The following ZPBP variants were observed in gnomAD, a reference collection of about 807,000 sequenced individuals.
ZPBP encodes the protein zona pellucida-binding protein 1.
ZPBP carries 26 observed loss-of-function variants against 44.8 expected under a neutral mutation model. That is an observed-to-expected ratio of 0.58 (90% CI 0.43 to 0.81). The LOEUF is 0.81. ZPBP is among the 30% of genes least tolerant of loss of function. The probability of loss-of-function intolerance (pLI) is 0.00; values close to 1 mark genes in which losing one functional copy is unlikely to be tolerated. For synonymous variants in ZPBP, 174 were observed against 153.2 expected, an observed-to-expected ratio of 1.14 and a Z score of -1.00; for missense variants, 409 against 434.0, an observed-to-expected ratio of 0.94 and a Z score of 0.51.
chr7:50,041,602 A>G (rs1800098211), intron 4 of ZPBP, among the ~76,000 whole-genome samples: 1 of 152,210 alleles, frequency 6.6e-6, no homozygotes, highest in Non-Finnish European at 1.5e-5. Flanking sequence ...AGAAAGGAGT[A>G]GCATCGACAT....
intron 3 of ZPBP, among the ~76,000 whole-genome samples, chr7:50,070,610 A>G (rs895656827): frequency 1.3e-5 from 2 of 152,216 alleles, no homozygotes; most frequent in Non-Finnish European, 2.9e-5. Context: ...ATAAGGAATC[A>G]GAGAGACTGA....
intron 6 of ZPBP, among the ~76,000 whole-genome samples, chr7:50,000,051 T>C (rs1798027206): frequency 2.6e-5 from 4 of 152,170 alleles, no homozygotes; most frequent in African/African-American, 7.2e-5. Flanking sequence ...TTCTACACTT[T>C]ATTTTTAAAG....
chr7:49,993,512 C>A lies in ZPBP; in HGVS notation c.784-9993G>T. Among the ~76,000 whole-genome samples the A allele has an allele frequency of 2.0e-5, 3 of 152,176 alleles. No individual in the cohort carries two copies. In the South Asian group the frequency reaches 6.2e-4, roughly 32 times the overall value. On this transcript the variant is annotated intron_variant, in intron 6 of 7. Transcript: ENST00000046087. ...TTGAAAAGCAGTCACCAACTATAGT[C>A]TATGAACAATAAATGTTTTTCTCTA...
intron 7 of ZPBP, among the ~76,000 whole-genome samples, chr7:49,957,329 T>TCATCACAGGCCCAGAGTGTCACTCCTCG (rs905629469): frequency 3.3e-5 from 5 of 152,322 alleles, no homozygotes; most frequent in Middle Eastern, 3.4e-3. Flanking sequence ...AACAGTCCTC[T>TCATCACAGGCCCAGAGTGTCACTCCTCG]CATCACAGGC....
At chr7:49,995,592 T>C (rs1797790043) in intron 6 of ZPBP, among the ~76,000 whole-genome samples, 1 of 152,196 alleles carries the variant, frequency 6.6e-6, no homozygotes, top group African/African-American at 2.4e-5. Context: ...TTTAAGTCCT[T>C]GATGATGGCA....
At chr7:49,852,311 A>T (rs143462297) in intron 2 of ZPBP, among the ~76,000 whole-genome samples, 271 of 152,296 alleles carry the variant, frequency 1.8e-3, no homozygotes, top group African/African-American at 6.4e-3. Flanking sequence ...AGGACCAAGG[A>T]CATGCATGCA....
At chr7:50,057,331 C>T (rs1800997500) in intron 4 of ZPBP, among the ~76,000 whole-genome samples, 2 of 152,140 alleles carry the variant, frequency 1.3e-5, no homozygotes, top group South Asian at 4.1e-4. Flanking sequence ...CTCTCCCTCC[C>T]AGATAAGCAC....
At chr7:49,942,881 G>A (rs1794946852) in intron 7 of ZPBP, 1 of 164,372 alleles carries the variant, frequency 6.1e-6, no homozygotes. Context: ...TTAGCATCCA[G>A]TGACTATTCT....
At chr7:50,064,156 C>T (rs999774528) in intron 3 of ZPBP, among the ~76,000 whole-genome samples, 11 of 152,094 alleles carry the variant, frequency 7.2e-5, no homozygotes, top group African/African-American at 2.7e-4. Context: ...AGACATCACA[C>T]GTTGGTAGGA....
At chr7:49,900,353 T>C (rs1204795586) in intron 2 of ZPBP, among the ~76,000 whole-genome samples, 2 of 151,312 alleles carry the variant, frequency 1.3e-5, no homozygotes, top group Non-Finnish European at 3.0e-5. Flanking sequence ...AGGAAAACAA[T>C]AGAGAAAGCT....
chr7:49,963,859 T>A (rs1248206165), intron 7 of ZPBP, among the ~76,000 whole-genome samples: 1 of 151,682 alleles, frequency 6.6e-6, no homozygotes, highest in Non-Finnish European at 1.5e-5. Context: ...GAGGAAGGAA[T>A]ACTGCCCAAC....
At position 49,981,327 on chromosome 7, in the gene ZPBP, A is replaced by T. The variant is rs1240200402; in HGVS notation, c.961+2015T>A. Among the ~76,000 whole-genome samples the T allele has an allele frequency of 1.7e-3, 76 of 44,074 alleles. 3 individuals are homozygous for T. The highest frequency in any genetic ancestry group is 9.4e-3 in the South Asian group (13 of 1,376). 28.9% of individuals were successfully genotyped at this position (44,074 alleles called of 152,430 possible). A position where few individuals can be genotyped will look rare whatever the true frequency, so the allele number is the denominator to read the frequency against. Reference sequence around the variant, plus strand: ...TATAATTATATATTATATAATATATATTATAATTATATATATTATATAATA... The same window carrying T: ...TATAATTATATATTATATAATATATTTTATAATTATATATATTATATAATA... On this transcript the variant is annotated intron_variant, in intron 7 of 7. Coordinates refer to ENST00000046087, the MANE Select transcript of ZPBP (RefSeq NM_007009.3).
intron 4 of ZPBP, among the ~76,000 whole-genome samples, chr7:50,036,970 A>C (rs1420221068): frequency 1.3e-5 from 2 of 152,050 alleles, no homozygotes; most frequent in African/African-American, 4.8e-5. Context: ...AAATGTACTA[A>C]TTAACAGAAA....
At chr7:50,013,724 A>C (rs1278144054) in intron 6 of ZPBP, among the ~76,000 whole-genome samples, 1 of 152,078 alleles carries the variant, frequency 6.6e-6, no homozygotes, top group Non-Finnish European at 1.5e-5. Flanking sequence ...CCGATATGAA[A>C]GACTCAATAG....
At chr7:50,063,061 G>A (rs1008967551) in intron 3 of ZPBP, among the ~76,000 whole-genome samples, 1 of 152,154 alleles carries the variant, frequency 6.6e-6, no homozygotes, top group Admixed American at 6.5e-5. Flanking sequence ...ATTGAGACAT[G>A]CATTACATCA....
intron 3 of ZPBP, among the ~76,000 whole-genome samples, chr7:50,063,889 G>A (rs554510448): frequency 2.9e-4 from 44 of 152,160 alleles, no homozygotes; most frequent in Admixed American, 1.0e-3. Flanking sequence ...AGGACTGCCT[G>A]CAACCTTATG....
At chr7:49,883,911 T>G (rs1384636) in intron 2 of ZPBP, among the ~76,000 whole-genome samples, 107,519 of 152,176 alleles carry the variant, frequency 0.71, 38,476 homozygotes, top group East Asian at 0.88. Context: ...TGGCTTCGGA[T>G]TGTCTTCTGC....
intron 4 of ZPBP, among the ~76,000 whole-genome samples, chr7:50,047,432 T>C (rs1800429432): frequency 6.6e-6 from 1 of 151,874 alleles, no homozygotes; most frequent in African/African-American, 2.4e-5. Context: ...AAAAAGGAGA[T>C]GGATATTTTT....
At chr7:50,007,789 T>C (rs960635987) in intron 6 of ZPBP, among the ~76,000 whole-genome samples, 4 of 151,950 alleles carry the variant, frequency 2.6e-5, no homozygotes, top group African/African-American at 2.4e-5. Flanking sequence ...TTTCAACCGA[T>C]GTAGAAAAGG....
Sources: gnomAD v4.1 joint callset for allele counts (sites outside exome capture counted in the v4.1 genomes callset) on GRCh38, gnomAD v4.1.1 for gene constraint, MANE v1.5 for transcripts, NCBI Gene and HGNC (gene_info 2026-07-23, HGNC 2026-07-21) for gene names.